FLNB: variants seen among roughly 807,000 people sequenced by gnomAD.
FLNB encodes filamin B, also known as filamin-B.
Under a neutral mutation model 250.6 loss-of-function variants are expected in FLNB, and 111 were observed. That is an observed-to-expected ratio of 0.44 (90% CI 0.38 to 0.52). The LOEUF (loss-of-function observed/expected upper bound fraction) is 0.52, where lower values mean the gene tolerates loss of function less well. Ranked by LOEUF, FLNB falls within the 20% of genes least tolerant of loss-of-function variation. FLNB has a pLI of 0.00. For missense variants in FLNB, 2,869 were observed against 3,447.8 expected, an observed-to-expected ratio of 0.83 and a Z score of 4.20; for synonymous variants, 1,302 against 1,372.1, an observed-to-expected ratio of 0.95 and a Z score of 1.13.
Position 58,112,338 on chromosome 3 carries a change from T to G in FLNB, c.2745+20T>G. ...CAACAGGTAGGGTCCTTCTCCCCTC[T>G]GCTCCCCTGGCCCCCAGCCAGGCCC... On this transcript the variant is annotated intron_variant, in intron 18 of 45. Transcript: ENST00000295956. 6.2e-7 allele frequency: 1 copy of G among 1,611,628 alleles called. No homozygotes were observed. Among genetic ancestry groups the G allele is most frequent in the Middle Eastern group, 2.0e-4 (1 of 4,916 alleles).
chr3:58,028,699 C>T (rs916776708), intron 1 of FLNB, among the ~76,000 whole-genome samples: 4 of 150,396 alleles, frequency 2.7e-5, no homozygotes, highest in East Asian at 2.0e-4. Context: ...CTGCAACCTC[C>T]GCCTCCCTGG....
At chr3:58,036,794 A>C (rs758481094) in intron 1 of FLNB, among the ~76,000 whole-genome samples, 8 of 152,200 alleles carry the variant, frequency 5.3e-5, no homozygotes, top group Non-Finnish European at 1.0e-4. Context: ...ATTCATTCCC[A>C]AGGTTAGTTT....
chr3:58,067,797 G>T (rs1349537116), intron 1 of FLNB, among the ~76,000 whole-genome samples: 3 of 151,918 alleles, frequency 2.0e-5, no homozygotes, highest in Non-Finnish European at 4.4e-5. Context: ...CGGGGTGTCT[G>T]GATCTCTGAC....
chr3:58,010,951 T>C (rs9865714), intron 1 of FLNB, among the ~76,000 whole-genome samples: 3,152 of 152,222 alleles, frequency 0.021, 99 homozygotes, highest in African/African-American at 0.069. Flanking sequence ...AGCCTTGCTC[T>C]GTCTCCAGGC....
At chr3:58,111,373 A>C (rs944711816) in intron 16 of FLNB, among the ~76,000 whole-genome samples, 4 of 152,212 alleles carry the variant, frequency 2.6e-5, no homozygotes, top group African/African-American at 9.6e-5. Context: ...ATTCTTTTTG[A>C]AGAATTATAA....
At chr3:58,083,002 TCTC>T (rs1188789269) in intron 4 of FLNB, among the ~76,000 whole-genome samples, 12 of 152,194 alleles carry the variant, frequency 7.9e-5, no homozygotes, top group Admixed American at 7.9e-4. Context: ...TCACTAAGCT[TCTC>T]CTAAGAATAG....
intron 4 of FLNB, among the ~76,000 whole-genome samples, chr3:58,089,960 T>A (rs11711111): frequency 6.6e-5 from 10 of 152,044 alleles, no homozygotes; most frequent in Non-Finnish European, 2.9e-5. Flanking sequence ...CTAATTTTTT[T>A]ATTTTTAGTA....
At chr3:58,060,295 T>C (rs1472495953) in intron 1 of FLNB, among the ~76,000 whole-genome samples, 2 of 151,528 alleles carry the variant, frequency 1.3e-5, no homozygotes, top group Admixed American at 6.6e-5. Context: ...GGCGGGAGCA[T>C]TGTTTGAGCC....
chr3:58,061,490 A>T (rs1461309747), intron 1 of FLNB, among the ~76,000 whole-genome samples: 1 of 150,058 alleles, frequency 6.7e-6, no homozygotes, highest in East Asian at 2.0e-4. Flanking sequence ...ACTTTGGGAG[A>T]CCGAGATGGG....
intron 16 of FLNB, among the ~76,000 whole-genome samples, chr3:58,110,474 G>A (rs1057481295): frequency 6.7e-6 from 1 of 149,638 alleles, no homozygotes; most frequent in Non-Finnish European, 1.5e-5. Context: ...TTTTGAGATG[G>A]AGTTTTGCTC....
At position 58,105,204 on chromosome 3, in the gene FLNB, G is replaced by T; in HGVS notation, c.1735G>T (p.Val579Leu). The stretch of plus-strand genomic sequence containing the variant: ...CGTGGTAGAATCCATTGGCTCTGAA[G>T]TGGGGTCTCTGGGTAAGTGGACACA... ...DFVVESIGSE[V>L]GSLGFAIEGP... Residue 579 changes from valine to leucine, a missense_variant, in exon 11 of 46, where the codon GTG (valine) becomes TTG (leucine). Around this residue, in one of 5 missense-constraint regions of FLNB, gnomAD observed 1,348 missense variants for 1,466.7 expected, o/e 0.92. Transcript: ENST00000295956. 1 of 1,614,200 alleles carries T rather than the reference G, an allele frequency of 6.2e-7. No homozygotes were observed. Among genetic ancestry groups the T allele is most frequent in the South Asian group, 1.1e-5 (1 of 91,084 alleles).
intron 1 of FLNB, among the ~76,000 whole-genome samples, chr3:58,024,991 G>T (rs1472791751): frequency 6.8e-6 from 1 of 146,004 alleles, no homozygotes; most frequent in Non-Finnish European, 1.5e-5. Flanking sequence ...AATTACAAGC[G>T]TGAGCCACTG....
chr3:58,087,638 G>A (rs1032239771), intron 4 of FLNB, among the ~76,000 whole-genome samples: 2 of 152,052 alleles, frequency 1.3e-5, no homozygotes, highest in South Asian at 2.1e-4. Flanking sequence ...TTTTAGTAGA[G>A]ATGGGGTTTC....
intron 1 of FLNB, among the ~76,000 whole-genome samples, chr3:58,059,998 C>A (rs980581384): frequency 6.6e-6 from 1 of 152,156 alleles, no homozygotes; most frequent in Admixed American, 6.5e-5. Context: ...TTGACCTATT[C>A]ATTATTTTTC....
intron 24 of FLNB, among the ~76,000 whole-genome samples, chr3:58,127,946 A>G (rs1575434324): frequency 6.6e-6 from 1 of 150,442 alleles, no homozygotes; most frequent in Non-Finnish European, 1.5e-5. Context: ...CCCCGCCCCC[A>G]TTTCTAAAAG....
intron 38 of FLNB, among the ~76,000 whole-genome samples, chr3:58,152,260 T>A (rs2097346301): frequency 6.6e-6 from 1 of 152,182 alleles, no homozygotes; most frequent in South Asian, 2.1e-4. Context: ...GCTCACTAAC[T>A]TCAGATGTCC....
At chr3:58,127,522 A>G (rs1410267984) in intron 24 of FLNB, among the ~76,000 whole-genome samples, 1 of 152,150 alleles carries the variant, frequency 6.6e-6, no homozygotes, top group Non-Finnish European at 1.5e-5. Context: ...CTCCGGCACT[A>G]TGACACTTTG....
chr3:58,043,662 G>A (rs907568525), intron 1 of FLNB, among the ~76,000 whole-genome samples: 5 of 152,194 alleles, frequency 3.3e-5, no homozygotes, highest in Admixed American at 3.3e-4. Flanking sequence ...GGCATCTCTG[G>A]ACCTTTATGC....
At position 58,049,079 on chromosome 3, in the gene FLNB, A is replaced by G. The variant is rs1158921044; in HGVS notation, c.293-27967A>G. Among the ~76,000 whole-genome samples, 3 of 152,252 alleles carry G rather than the reference A, an allele frequency of 2.0e-5. No homozygotes were observed. In the East Asian group the frequency reaches 5.8e-4, roughly 29 times the overall value. Reference sequence around the variant, plus strand: ...GTTAAATTTGAATTTCAGATAGACAATGAATAACTTTTTAGTATAAGTATG... The same window carrying G: ...GTTAAATTTGAATTTCAGATAGACAGTGAATAACTTTTTAGTATAAGTATG... On this transcript the variant is annotated intron_variant, in intron 1 of 45. Transcript: ENST00000295956.
Sources: gnomAD v4.1 joint callset for allele counts (sites outside exome capture counted in the v4.1 genomes callset) on GRCh38, gnomAD v4.1.1 for gene constraint, gnomAD v4.1.1 regional missense constraint, MANE v1.5 for transcripts, NCBI Gene and HGNC (gene_info 2026-07-23, HGNC 2026-07-21) for gene names.